HIP1: variants seen among roughly 807,000 people sequenced by gnomAD.
The protein encoded by HIP1 is huntingtin-interacting protein 1.
In HIP1, 65 loss-of-function variants were observed where a neutral mutation model predicts 147.6. The ratio of observed to expected loss-of-function variants is 0.44; its 90% CI spans 0.36 to 0.54. The LOEUF is 0.54. Ranked by LOEUF, HIP1 falls within the 20% of genes least tolerant of loss-of-function variation. The probability of loss-of-function intolerance (pLI) is 0.00; values close to 1 mark genes in which losing one functional copy is unlikely to be tolerated. For synonymous variants in HIP1, 479 were observed against 504.0 expected, an observed-to-expected ratio of 0.95 and a Z score of 0.67; for missense variants, 1,061 against 1,299.6, an observed-to-expected ratio of 0.82 and a Z score of 2.82.
intron 1 of HIP1, chr7:75,639,287 C>T (rs1338845008): frequency 5.0e-5 from 2 of 39,932 alleles, no homozygotes; most frequent in African/African-American, 1.0e-4. Context: ...GGGAGGGGGG[C>T]GGGCGCGGAG....
intron 1 of HIP1, among the ~76,000 whole-genome samples, chr7:75,659,373 G>A (rs1285751446): frequency 6.6e-6 from 1 of 152,156 alleles, no homozygotes; most frequent in Non-Finnish European, 1.5e-5. Flanking sequence ...AGAAACATAA[G>A]CAGGGCCGGC....
chr7:75,610,315 C>T (rs1797387800), intron 1 of HIP1, among the ~76,000 whole-genome samples: 1 of 150,986 alleles, frequency 6.6e-6, no homozygotes, highest in Non-Finnish European at 1.5e-5. Context: ...CTCAAGTGAT[C>T]CTCCAGCCTT....
chr7:75,637,989 C>A (rs1463271668), intron 1 of HIP1, among the ~76,000 whole-genome samples: 1 of 51,324 alleles, frequency 1.9e-5, no homozygotes, highest in African/African-American at 1.1e-4. Flanking sequence ...CCCCCCCCCC[C>A]CCCCACACAC....
rs1161352077 is a variant in HIP1, at chr7:75,555,269, T to C, written c.1963+147A>G. 6 of 728,796 alleles carry C rather than the reference T, an allele frequency of 8.2e-6. No homozygotes were observed. In the African/African-American group the frequency reaches 9.1e-5, roughly 11 times the overall value. The allele number at this position is 728,796 out of a possible 1,614,324, so 45.1% of individuals were successfully genotyped here. On this transcript the variant is annotated intron_variant, in intron 19 of 30. Coordinates refer to ENST00000336926, the MANE Select transcript of HIP1 (RefSeq NM_005338.7). Reference sequence around the variant, plus strand: ...ACAGAGTTTCCACATGTAACTGATCTAGGATGGGGCCTGGGCGCCCCTAAG... The same window carrying C: ...ACAGAGTTTCCACATGTAACTGATCCAGGATGGGGCCTGGGCGCCCCTAAG...
In HIP1 at chr7:75,592,517, G is replaced by GC. The variant is rs782084832; in HGVS notation, c.185-4_185-3insG. ...ATGGTGGGTGCCCAGTATGCACGGT[G>GC]AGGGGGGGTTATGGAAAACAACGGA... is the stretch of plus-strand genomic sequence containing the variant. On this transcript the variant is annotated splice_region_variant and splice_polypyrimidine_tract_variant and intron_variant, in intron 2 of 30. Transcript: ENST00000336926. 1.2e-6 allele frequency: 2 copies of GC among 1,608,822 alleles called. No homozygotes were observed. The highest frequency in any genetic ancestry group is 2.2e-5 in the South Asian group (2 of 90,864).
rs528373376 is a variant in HIP1, at chr7:75,636,770, C to T, written c.121-37523G>A. On this transcript the variant is annotated intron_variant, in intron 1 of 30. Transcript: ENST00000336926. ...TAAAAGAGGAAAGAGGCAATAGATG[C>T]ACCTCCCCAGGGCTCAGAATTCTCC... Among the ~76,000 whole-genome samples, 4 of 152,298 alleles carry T rather than the reference C, an allele frequency of 2.6e-5. No individual in the cohort carries two copies. In the South Asian group the frequency reaches 8.3e-4, roughly 32 times the overall value.
rs1794264465 is a variant in HIP1 at position 75,540,481 on chromosome 7, G to T, written c.2953-1050C>A. On this transcript the variant is annotated intron_variant, in intron 29 of 30. Transcript: ENST00000336926. The stretch of plus-strand genomic sequence containing the variant: ...AAAAATTAGCTGGGCATGGTGGTGT[G>T]TATCTGTAGTCCCAGCTACTCAGGA... 2.0e-5 allele frequency among the ~76,000 whole-genome samples: 3 copies of T among 151,300 alleles called. No homozygotes were observed. The South Asian group carries it at 6.3e-4, about 32-fold the overall frequency.
intron 1 of HIP1, among the ~76,000 whole-genome samples, chr7:75,634,677 G>A (rs1798361226): frequency 6.6e-6 from 1 of 152,126 alleles, no homozygotes; most frequent in Non-Finnish European, 1.5e-5. Context: ...TGTAATCTCA[G>A]CACTTTGGGA....
At chr7:75,637,536 A>AT (rs869251770) in intron 1 of HIP1, among the ~76,000 whole-genome samples, 2,728 of 70,808 alleles carry the variant, frequency 0.039, 268 homozygotes, top group African/African-American at 0.091. Flanking sequence ...TGCAGAGAGG[A>AT]TTTTTTTTTT....
chr7:75,707,678 C>T (rs1326365494), intron 1 of HIP1, among the ~76,000 whole-genome samples: 1 of 149,492 alleles, frequency 6.7e-6, no homozygotes, highest in Non-Finnish European at 1.5e-5. Context: ...CTGGAGGCAT[C>T]ACACTACCTG....
At chr7:75,596,773 G>C (rs1420385380) in intron 2 of HIP1, among the ~76,000 whole-genome samples, 4 of 152,178 alleles carry the variant, frequency 2.6e-5, no homozygotes, top group African/African-American at 7.2e-5. Context: ...GTGAGCCCGA[G>C]AGTTCCAGTG....
At chr7:75,696,146 C>T (rs1305379486) in intron 1 of HIP1, among the ~76,000 whole-genome samples, 1 of 151,778 alleles carries the variant, frequency 6.6e-6, no homozygotes, top group African/African-American at 2.4e-5. Context: ...AGCCACCATG[C>T]CCGGCTAATG....
intron 1 of HIP1, among the ~76,000 whole-genome samples, chr7:75,602,810 C>G (rs3857837): frequency 8.7e-5 from 13 of 148,894 alleles, no homozygotes; most frequent in East Asian, 4.0e-4. Context: ...CAACCCCCCC[C>G]ACCCCGTACC....
intron 18 of HIP1, 111 bp downstream of exon 18, chr7:75,555,915 G>A (rs1394318478): frequency 3.0e-6 from 4 of 1,330,602 alleles, no homozygotes; most frequent in Admixed American, 2.0e-5. Context: ...ATCAGGCCAA[G>A]GCCCCAAACC....
intron 1 of HIP1, among the ~76,000 whole-genome samples, chr7:75,640,347 A>C (rs1461916383): frequency 6.6e-6 from 1 of 152,228 alleles, no homozygotes; most frequent in Non-Finnish European, 1.5e-5. Context: ...GGAGCAGGGC[A>C]GACTTCAGTA....
At chr7:75,554,579 A>T in intron 19 of HIP1, 53 bp from the exon 20 acceptor site, 4 of 1,338,638 alleles carry the variant, frequency 3.0e-6, no homozygotes, top group Non-Finnish European at 4.3e-6. Context: ...AGCTGGCTTC[A>T]TCCTCGTTAA....
At chr7:75,625,028 C>T (rs1797990200) in intron 1 of HIP1, 1 of 151,332 alleles carries the variant, frequency 6.6e-6, no homozygotes, top group African/African-American at 2.4e-5. Flanking sequence ...CTCAGCCTGC[C>T]TCCTGAGTAG....
intron 1 of HIP1, among the ~76,000 whole-genome samples, chr7:75,601,752 T>C (rs1286562890): frequency 2.0e-5 from 3 of 152,184 alleles, no homozygotes; most frequent in African/African-American, 7.2e-5. Flanking sequence ...ATGGTTGCGA[T>C]GGAGACCATG....
intron 1 of HIP1, among the ~76,000 whole-genome samples, chr7:75,690,777 G>T (rs1800423335): frequency 6.6e-6 from 1 of 152,004 alleles, no homozygotes; most frequent in East Asian, 1.9e-4. Flanking sequence ...CAGGAGAATT[G>T]CTTGAACCCG....
Sources: allele counts gnomAD v4.1 joint callset (sites outside exome capture counted in the v4.1 genomes callset), GRCh38; gene constraint gnomAD v4.1.1; transcripts MANE v1.5; gene names NCBI Gene and HGNC (gene_info 2026-07-23, HGNC 2026-07-21).